Variants in TRIM3 observed in about 807,000 individuals in gnomAD.
TRIM3 encodes the protein tripartite motif containing 3, also known as tripartite motif-containing protein 3.
A neutral mutation model predicts 66.6 loss-of-function variants in TRIM3; 13 were observed. The ratio of observed to expected loss-of-function variants is 0.20; its 90% CI spans 0.13 to 0.31. TRIM3 has a LOEUF of 0.31. Ranked by LOEUF, TRIM3 falls within the 10% of genes least tolerant of loss-of-function variation. The probability of loss-of-function intolerance (pLI) is 1.00; values close to 1 mark genes in which losing one functional copy is unlikely to be tolerated. For missense variants in TRIM3, 711 were observed against 1,020.4 expected, an observed-to-expected ratio of 0.70 and a Z score of 4.13; for synonymous variants, 406 against 411.7, an observed-to-expected ratio of 0.99 and a Z score of 0.17.
At chr11:6,454,182 C>G (rs773892975) in intron 7 of TRIM3, among the ~76,000 whole-genome samples, 24 of 151,936 alleles carry the variant, frequency 1.6e-4, no homozygotes, top group African/African-American at 5.6e-4. Context: ...AGTTCCAGAC[C>G]AGCCCAAACA....
chr11:6,455,369 G>T (rs541457809), intron 7 of TRIM3, among the ~76,000 whole-genome samples: 2 of 152,260 alleles, frequency 1.3e-5, no homozygotes, highest in South Asian at 4.1e-4. Context: ...GCTTTTAACT[G>T]CTCTGCTGTG....
At chr11:6,451,172 G>C in intron 8 of TRIM3, 99 bp downstream of exon 8, 1 of 1,582,436 alleles carries the variant, frequency 6.3e-7, no homozygotes, top group East Asian at 2.2e-5. Flanking sequence ...AGTAGGAGGA[G>C]GTAGGATTGG....
intron 1 of TRIM3, among the ~76,000 whole-genome samples, chr11:6,465,959 C>G (rs181661649): frequency 2.4e-4 from 37 of 152,342 alleles, no homozygotes; most frequent in Admixed American, 2.2e-3. Context: ...CAGTCTCTCA[C>G]CAGCTATGTG....
Position 6,457,321 on chromosome 11 carries a change from T to C in TRIM3, c.671A>G (p.Glu224Gly). ...QRKQALVSDL[E>G]TICGAKQKVL... ...CTTCTGTTTGGCCCCACAAATGGTC[T>C]CCAGGTCGCTGACCAGAGCCTGCTT... The change falls in exon 5 of 12, where the codon GAG (glutamate) becomes GGG (glycine). Residue 224 changes from glutamate to glycine, a missense_variant. Physicochemically the swap from Glu to Gly is moderately conservative, Grantham distance 98. Around this residue, in one of 3 missense-constraint regions of TRIM3, gnomAD observed 399 missense variants for 458.1 expected, o/e 0.87. Coordinates refer to ENST00000345851, the MANE Select transcript of TRIM3 (RefSeq NM_033278.4). This position sits in a 1 kb window ranked among gnomAD's most constrained non-coding sequence, Gnocchi z 4.5. The C allele has an allele frequency of 6.2e-7, 1 of 1,614,156 alleles. No homozygotes were observed. Among genetic ancestry groups the C allele is most frequent in the Non-Finnish European group, 8.5e-7 (1 of 1,180,014 alleles).
chr11:6,472,740 A>C (rs1415708489), intron 1 of TRIM3, among the ~76,000 whole-genome samples: 1 of 152,204 alleles, frequency 6.6e-6, no homozygotes. Context: ...ACAAGTGAAT[A>C]AAGTCCCAAG....
At chr11:6,465,361 A>G (rs1007471710) in intron 2 of TRIM3, among the ~76,000 whole-genome samples, 1 of 152,130 alleles carries the variant, frequency 6.6e-6, no homozygotes, top group Admixed American at 6.5e-5. Flanking sequence ...GCCCAGTGTT[A>G]TGGTTCTTAT....
At chr11:6,473,366 GGGGTGGGGTA>G (rs1850779242) in intron 1 of TRIM3, 1 of 139,810 alleles carries the variant, frequency 7.2e-6, no homozygotes, top group South Asian at 2.6e-4. Context: ...GAAGGGGCGG[GGGGTGGGGTA>G]GGGTGGGGGT....
intron 7 of TRIM3, chr11:6,451,649 G>C: frequency 1.7e-6 from 1 of 577,590 alleles, no homozygotes; most frequent in Non-Finnish European, 3.0e-6. Flanking sequence ...AAGGGATGAA[G>C]GGGAATGGTG....
In TRIM3 at chr11:6,450,549, AC is replaced by A; in HGVS notation, c.1941+1del. The A allele has an allele frequency of 6.2e-7, 1 of 1,613,890 alleles. No individual in the cohort carries two copies. The highest frequency in any genetic ancestry group is 1.1e-5 in the South Asian group (1 of 91,080). Reference sequence around the variant, plus strand: ...GGTCACGGAGGGAGGGAAGACACTGACCTTCACTGAATGGTTATGGAAGTCC... The same window carrying A: ...GGTCACGGAGGGAGGGAAGACACTGACTTCACTGAATGGTTATGGAAGTCC... On this transcript the variant is annotated splice_donor_variant, in intron 10 of 11. Coordinates refer to ENST00000345851, the MANE Select transcript of TRIM3 (RefSeq NM_033278.4). LOFTEE classifies it high-confidence loss of function. The surrounding 1 kb of genome is among the most constrained non-coding windows in gnomAD (Gnocchi z 4.8).
intron 2 of TRIM3, among the ~76,000 whole-genome samples, chr11:6,462,832 G>A (rs1324721211): frequency 2.0e-5 from 3 of 152,012 alleles, no homozygotes. Flanking sequence ...TGAGGCAGGA[G>A]GATCACTTGA....
At chr11:6,466,100 C>T (rs1026465159) in intron 1 of TRIM3, among the ~76,000 whole-genome samples, 1 of 152,132 alleles carries the variant, frequency 6.6e-6, no homozygotes, top group African/African-American at 2.4e-5. Flanking sequence ...CACTGACATA[C>T]CTACCCTTCA....
Position 6,456,552 on chromosome 11 carries a change from C to G in TRIM3, c.1174G>C (p.Ala392Pro). Residue 392 changes from alanine (A) to proline (P), a missense_variant, in exon 6 of 12, where the codon GCG (alanine) becomes CCG (proline). Physicochemically the swap from Ala to Pro is conservative, Grantham distance 27. Around this residue, in one of 3 missense-constraint regions of TRIM3, gnomAD observed 399 missense variants for 458.1 expected, o/e 0.87. Transcript: ENST00000345851. The surrounding 1 kb of genome is among the most constrained non-coding windows in gnomAD (Gnocchi z 6.4). ...AGGAGCAGCTCGCCTTCCGTGCGCG[C>G]TGTGTACACTAGCTCATATGTGCCA... is the stretch of plus-strand genomic sequence containing the variant. ...KNGTYELVYT[A>P]RTEGELLLSV... The G allele has an allele frequency of 6.2e-7, 1 of 1,609,924 alleles. No individual in the cohort carries two copies.
In TRIM3 at chr11:6,465,707, A is replaced by G. The variant is rs549478722; in HGVS notation, c.-12T>C. ...TCCCTCTTTGCCATGGCGCCCACAG[A>G]TGGCTCCCGCCACTCACACCAGCCT... On this transcript the variant is annotated 5_prime_UTR_variant, in exon 2 of 12. Transcript: ENST00000345851. The G allele has an allele frequency of 2.8e-4, 444 of 1,609,016 alleles. No individual in the cohort carries two copies. Among genetic ancestry groups the G allele is most frequent in the Non-Finnish European group, 3.7e-4 (435 of 1,177,478 alleles).
At position 6,457,199 on chromosome 11, in the gene TRIM3, TG is replaced by T. The variant is rs1304948945; in HGVS notation, c.696+96del. The T allele has an allele frequency of 1.3e-6, 2 of 1,540,654 alleles. No homozygotes were observed. The highest frequency in any genetic ancestry group is 8.8e-7 in the Non-Finnish European group (1 of 1,137,040). On this transcript the variant is annotated intron_variant, in intron 5 of 11. Transcript: ENST00000345851. The surrounding 1 kb of genome is among the most constrained non-coding windows in gnomAD (Gnocchi z 4.5). ...ATGTCAGGAGGCAGAATATCTAGGC[TG>T]GGGAATGGGGAGCTGGTGTGGAAGA... is the stretch of plus-strand genomic sequence containing the variant.
At position 6,449,573 on chromosome 11, in the gene TRIM3, G is replaced by T; in HGVS notation, c.1942-127C>A. ...AGATCTACAGCTACAGCCCAAATCT[G>T]CTTCATAGGCTTCACATCCATGTGC... On this transcript the variant is annotated intron_variant, in intron 10 of 11. Coordinates refer to ENST00000345851, the MANE Select transcript of TRIM3 (RefSeq NM_033278.4). This position sits in a 1 kb window ranked among gnomAD's most constrained non-coding sequence, Gnocchi z 5.3. 2 of 809,722 alleles carry T rather than the reference G, an allele frequency of 2.5e-6. No individual in the cohort carries two copies. Among genetic ancestry groups the T allele is most frequent in the Non-Finnish European group, 1.9e-6 (1 of 522,512 alleles). The allele number at this position is 809,722 out of a possible 1,614,324, so 50.2% of individuals were successfully genotyped here.
chr11:6,470,287 G>A (rs1159057698), intron 1 of TRIM3, among the ~76,000 whole-genome samples: 2 of 152,214 alleles, frequency 1.3e-5, no homozygotes, highest in African/African-American at 4.8e-5. Context: ...GTATTTACAT[G>A]TGAAGAGTTA....
At position 6,451,212 on chromosome 11, in the gene TRIM3, A is replaced by C. The variant is rs568369956; in HGVS notation, c.1701+59T>G. 8 of 1,603,316 alleles carry C rather than the reference A, an allele frequency of 5.0e-6. No individual in the cohort carries two copies. The African/African-American group carries it at 9.3e-5, about 19-fold the overall frequency. On this transcript the variant is annotated intron_variant, in intron 8 of 11. Coordinates refer to ENST00000345851, the MANE Select transcript of TRIM3 (RefSeq NM_033278.4). ...GTCCAGACCCTGACCACCAAGAGGCACTAGACTGGTCAGTTCAGCTGGACA... is the reference window on the plus strand; with the variant it reads ...GTCCAGACCCTGACCACCAAGAGGCCCTAGACTGGTCAGTTCAGCTGGACA...
At chr11:6,460,159 G>T (rs1482185997) in intron 2 of TRIM3, among the ~76,000 whole-genome samples, 3 of 152,230 alleles carry the variant, frequency 2.0e-5, no homozygotes, top group Non-Finnish European at 4.4e-5. Flanking sequence ...AGGAGGGAAT[G>T]AGTAGTCATC....
In TRIM3 at chr11:6,457,639, C is replaced by T. The variant is rs894784787; in HGVS notation, c.515+57G>A. On this transcript the variant is annotated intron_variant, in intron 4 of 11. Coordinates refer to ENST00000345851, the MANE Select transcript of TRIM3 (RefSeq NM_033278.4). This position sits in a 1 kb window ranked among gnomAD's most constrained non-coding sequence, Gnocchi z 4.5. ...CAGACCCTTTATTCCCCTCCCCGCC[C>T]GAGCTAAGACACCATCCCTGTGGCC... The T allele has an allele frequency of 1.4e-5, 22 of 1,579,576 alleles. No homozygotes were observed. The highest frequency in any genetic ancestry group is 5.4e-5 in the African/African-American group (4 of 74,376).
Sources: allele counts gnomAD v4.1 joint callset (sites outside exome capture counted in the v4.1 genomes callset), GRCh38; gene constraint gnomAD v4.1.1; regional missense constraint gnomAD v4.1.1; non-coding constraint Gnocchi (gnomAD v3.1); transcripts MANE v1.5; gene names NCBI Gene and HGNC (gene_info 2026-07-23, HGNC 2026-07-21).